The following EIF4A1 variants were observed in gnomAD, a reference collection of about 807,000 sequenced individuals.
EIF4A1 encodes eukaryotic initiation factor 4A-I.
EIF4A1 carries 11 observed loss-of-function variants against 53.5 expected under a neutral mutation model. That is an observed-to-expected ratio of 0.21 (90% confidence interval 0.13 to 0.34). The LOEUF is 0.34. Ranked by LOEUF, EIF4A1 falls within the 10% of genes least tolerant of loss-of-function variation. The pLI is 1.00. For missense variants in EIF4A1, 213 were observed against 530.8 expected (o/e 0.40, Z 5.88); for synonymous variants, 237 against 186.7 (o/e 1.27, Z -2.20).
At chr17:7,573,274 T>C (rs989004045) in intron 1 of EIF4A1, 9 of 345,420 alleles carry the variant, frequency 2.6e-5, no homozygotes, top group Non-Finnish European at 4.4e-5. Context: ...TCCGGAGCAT[T>C]CTGACGGTAC....
Position 7,577,278 on chromosome 17 carries a change from G to T in EIF4A1, c.625-66G>T, listed in dbSNP as rs2071415155. 1.3e-6 allele frequency: 2 copies of T among 1,594,980 alleles called. No homozygotes were observed. Among genetic ancestry groups the T allele is most frequent in the Admixed American group, 3.5e-5 (2 of 57,338 alleles). On this transcript the variant is annotated intron_variant, in intron 6 of 10. Transcript: ENST00000293831. The surrounding 1 kb of genome is among the most constrained non-coding windows in gnomAD (Gnocchi z 4.7). ...ATGCATCTGCTTCAGTTTTAGGTGTGGCTAGGGAAGGGAGCAGGCCTCAGG... is the reference window on the plus strand; with the variant it reads ...ATGCATCTGCTTCAGTTTTAGGTGTTGCTAGGGAAGGGAGCAGGCCTCAGG...
rs1404425225 is a variant in EIF4A1, at chr17:7,577,066, C to T, written c.525C>T (p.Tyr175=). 3 of 1,614,010 alleles carry T rather than the reference C, an allele frequency of 1.9e-6. No homozygotes were observed. The South Asian group carries it at 3.3e-5, about 18-fold the overall frequency. The change falls in exon 6 of 11, where the codon TAC becomes TAT. Residue 175 remains tyrosine, a synonymous_variant. Transcript: ENST00000293831. This position sits in a 1 kb window ranked among gnomAD's most constrained non-coding sequence, Gnocchi z 4.7. ...TTTTTTCTTCTCTAGCCCCCAAATA[C>T]ATCAAGATGTTTGTACTGGATGAAG... ...MLNRRYLSPK[Y]IKMFVLDEAD...
chr17:7,577,039 T>C lies in EIF4A1; in HGVS notation c.515-17T>C. On this transcript the variant is annotated splice_polypyrimidine_tract_variant and intron_variant, in intron 5 of 10. Transcript: ENST00000293831. This position sits in a 1 kb window ranked among gnomAD's most constrained non-coding sequence, Gnocchi z 4.7. ...CCTAATCATATGCTATATATTGGCT[T>C]TTTTTTTCTTCTCTAGCCCCCAAAT... 2 of 1,613,840 alleles carry C rather than the reference T, an allele frequency of 1.2e-6. No individual in the cohort carries two copies. Among genetic ancestry groups the C allele is most frequent in the African/African-American group, 1.3e-5 (1 of 74,998 alleles).
intron 3 of EIF4A1, 79 bp downstream of exon 3, chr17:7,574,757 C>A: frequency 6.3e-7 from 1 of 1,599,556 alleles, no homozygotes; most frequent in Non-Finnish European, 8.5e-7. Context: ...TGATGCCCAT[C>A]TCATATCAGC....
At position 7,578,895 on chromosome 17, in the gene EIF4A1, T is replaced by G. The variant is rs995918975; in HGVS notation, c.*409T>G. The G allele has an allele frequency of 6.1e-6, 1 of 163,698 alleles. No individual in the cohort carries two copies. The highest frequency in any genetic ancestry group is 1.3e-5 in the Non-Finnish European group (1 of 75,436). The allele number at this position is 163,698 out of a possible 1,614,324, so 10.1% of individuals were successfully genotyped here. A position where few individuals can be genotyped will look rare whatever the true frequency, so the allele number is the denominator to read the frequency against. On this transcript the variant is annotated 3_prime_UTR_variant, in exon 11 of 11. Coordinates refer to ENST00000293831, the MANE Select transcript of EIF4A1 (RefSeq NM_001416.4). ...GGTTGCCCAGGGGGTTGTCCCCAGG[T>G]GGGGGGAAGCAGGGGAGAGAAAATG...
At chr17:7,578,070 C>T (rs1412347348) in intron 9 of EIF4A1, 95 bp from the exon 10 acceptor site, 14 of 1,585,948 alleles carry the variant, frequency 8.8e-6, no homozygotes, top group Non-Finnish European at 1.0e-5. Context: ...ATTTCCTCTG[C>T]CTTCCTTGGC....
chr17:7,573,252 G>A (rs1326495081), intron 1 of EIF4A1: 6 of 376,544 alleles, frequency 1.6e-5, no homozygotes, highest in Non-Finnish European at 2.5e-5. Flanking sequence ...GGGGAGGGAC[G>A]GCGCGCGGGG....
At chr17:7,576,923 G>A (rs377232535) in intron 5 of EIF4A1, 133 bp from the exon 6 acceptor site, 3 of 1,354,770 alleles carry the variant, frequency 2.2e-6, no homozygotes, top group African/African-American at 2.9e-5. Flanking sequence ...AAGGTCCTGG[G>A]CAAAGGATCA....
chr17:7,574,512 A>G (rs187978271), intron 2 of EIF4A1, 34 bp from the exon 3 acceptor site: 2 of 1,612,718 alleles, frequency 1.2e-6, no homozygotes, highest in East Asian at 2.2e-5. Context: ...CACCTTTTCC[A>G]TGACTCAAGC....
At chr17:7,575,027 C>A in intron 3 of EIF4A1, 92 bp from the exon 4 acceptor site, 1 of 1,523,396 alleles carries the variant, frequency 6.6e-7, no homozygotes, top group South Asian at 1.2e-5. Flanking sequence ...ATGCTTGGTT[C>A]ATTGGTTGCT....
At chr17:7,573,567 C>T (rs2150923871) in intron 1 of EIF4A1, 1 of 144,300 alleles carries the variant, frequency 6.9e-6, no homozygotes, top group Non-Finnish European at 1.5e-5. Context: ...GGCGACGCTA[C>T]TTCGCGACGG....
chr17:7,575,064 A>C, intron 3 of EIF4A1, 55 bp from the exon 4 acceptor site: 2 of 1,602,528 alleles, frequency 1.2e-6, no homozygotes, highest in Non-Finnish European at 8.5e-7. Flanking sequence ...CTAGGACTTG[A>C]ATATCCCAAA....
intron 4 of EIF4A1, 89 bp downstream of exon 4, chr17:7,575,347 C>T: frequency 6.3e-7 from 1 of 1,580,586 alleles, no homozygotes; most frequent in Non-Finnish European, 8.6e-7. Flanking sequence ...CTGATCACCA[C>T]CTTGGGAGGA....
chr17:7,578,660 C>A lies in EIF4A1; in HGVS notation c.*174C>A, dbSNP rs186194028. ...CCGTGAACATTTTAGACACCCTTTT[C>A]TTTGGGGTAGGCTCTTGCCCCAGGC... is the stretch of plus-strand genomic sequence containing the variant. On this transcript the variant is annotated 3_prime_UTR_variant, in exon 11 of 11. Transcript: ENST00000293831. 429 of 635,642 alleles carry A rather than the reference C, an allele frequency of 6.7e-4. 1 individual carries two copies. The African/African-American group carries it at 7.6e-3, about 11-fold the overall frequency. 39.4% of individuals were successfully genotyped at this position (635,642 alleles called of 1,614,324 possible). A position where few individuals can be genotyped will look rare whatever the true frequency, so the allele number is the denominator to read the frequency against.
intron 4 of EIF4A1, 104 bp from the exon 5 acceptor site, chr17:7,576,420 A>G (rs879614113): frequency 8.5e-5 from 120 of 1,410,898 alleles, no homozygotes; most frequent in Non-Finnish European, 1.1e-4. Flanking sequence ...ATAATAGTGC[A>G]TGCCCCAAAG....
intron 1 of EIF4A1, 68 bp downstream of exon 1, chr17:7,572,932 G>A: frequency 1.9e-6 from 3 of 1,613,688 alleles, no homozygotes; most frequent in Non-Finnish European, 2.5e-6. Flanking sequence ...GGCCCGCCGG[G>A]GGTAGCTGAG....
At chr17:7,573,223 C>T (rs2150923580) in intron 1 of EIF4A1, 2 of 428,136 alleles carry the variant, frequency 4.7e-6, no homozygotes, top group Non-Finnish European at 4.3e-6. Context: ...CCGGCAGGTC[C>T]GGTTGCCTCC....
At position 7,572,882 on chromosome 17, in the gene EIF4A1, A is replaced by G. The variant is rs746674998; in HGVS notation, c.23+18A>G. ...GATTCCCGGTAAGAAAGGCATTTGC[A>G]AGAGATTGTGGCTGCTTATTTTGCC... is the stretch of plus-strand genomic sequence containing the variant. On this transcript the variant is annotated intron_variant, in intron 1 of 10. Transcript: ENST00000293831. 11 of 1,614,028 alleles carry G rather than the reference A, an allele frequency of 6.8e-6. No homozygotes were observed. Among genetic ancestry groups the G allele is most frequent in the Middle Eastern group, 1.6e-4 (1 of 6,084 alleles).
chr17:7,578,328 T>A lies in EIF4A1; in HGVS notation c.1077-14T>A. On this transcript the variant is annotated splice_polypyrimidine_tract_variant and intron_variant, in intron 10 of 10. Transcript: ENST00000293831. ...AAGCTCCTGATATTCCTCATCCCCT[T>A]CCTTGTTTTCCAGAATCGGTCGAGG... The A allele has an allele frequency of 1.9e-6, 3 of 1,612,718 alleles. No individual in the cohort carries two copies. Among genetic ancestry groups the A allele is most frequent in the Non-Finnish European group, 1.7e-6 (2 of 1,179,090 alleles).
Sources: allele counts gnomAD v4.1 joint callset, GRCh38; gene constraint gnomAD v4.1.1; non-coding constraint Gnocchi (gnomAD v3.1); transcripts MANE v1.5; gene names NCBI Gene and HGNC (gene_info 2026-07-23, HGNC 2026-07-21).